Variants in EPB41L1 observed in about 807,000 individuals in gnomAD.
The protein encoded by EPB41L1 is band 4.1-like protein 1.
In EPB41L1, 29 loss-of-function variants were observed where a neutral mutation model predicts 97.8. That is an observed-to-expected ratio of 0.30 (90% CI 0.22 to 0.40). The LOEUF (loss-of-function observed/expected upper bound fraction) is 0.40, where lower values mean the gene tolerates loss of function less well. Among genes scored for constraint, EPB41L1 ranks in the 10% least tolerant of loss-of-function variants. The pLI is 1.00. For synonymous variants in EPB41L1, 383 were observed against 459.2 expected (o/e 0.83, Z 2.12); for missense variants, 812 against 1,162.3 (o/e 0.70, Z 4.38).
chr20:36,146,438 C>T (rs920989058), intron 2 of EPB41L1, among the ~76,000 whole-genome samples: 3 of 152,222 alleles, frequency 2.0e-5, no homozygotes, highest in African/African-American at 7.2e-5. Flanking sequence ...ACAGAGGGCC[C>T]AGTTGGCGAG....
intron 2 of EPB41L1, among the ~76,000 whole-genome samples, chr20:36,123,488 T>A (rs1004873837): frequency 1.3e-5 from 2 of 152,362 alleles, no homozygotes; most frequent in African/African-American, 4.8e-5. Flanking sequence ...TTGCCTAGGC[T>A]AGAGTGCAGT....
chr20:36,184,918 A>G (rs541540717), intron 6 of EPB41L1, among the ~76,000 whole-genome samples, 199 bp from the exon 7 acceptor site: 1 of 152,396 alleles, frequency 6.6e-6, no homozygotes, highest in Admixed American at 6.5e-5. Context: ...AGAAATGCAC[A>G]AAAATGCTTA....
intron 1 of EPB41L1, among the ~76,000 whole-genome samples, chr20:36,159,302 A>T (rs2060436377): frequency 6.6e-6 from 1 of 152,250 alleles, no homozygotes; most frequent in Non-Finnish European, 1.5e-5. Context: ...TAATAGCAGT[A>T]AATTGGGACT....
chr20:36,190,785 A>G lies in EPB41L1; in HGVS notation c.1288A>G (p.Ser430Gly). The G allele has an allele frequency of 6.2e-7, 1 of 1,613,956 alleles. No homozygotes were observed. Among genetic ancestry groups the G allele is most frequent in the Non-Finnish European group, 8.5e-7 (1 of 1,180,028 alleles). Residue 430 changes from serine to glycine, a missense_variant, in exon 11 of 22, where the codon AGC becomes GGC. Coordinates refer to ENST00000338074, the MANE Select transcript of EPB41L1 (RefSeq NM_012156.2). This position sits in a 1 kb window ranked among gnomAD's most constrained non-coding sequence, Gnocchi z 5.8. ...SSSKRYTMSRSLDGAEFSRPA... is the reference protein window; with the variant it reads ...SSSKRYTMSRGLDGAEFSRPA... The stretch of plus-strand genomic sequence containing the variant: ...CAGCAAACGGTACACCATGTCCCGC[A>G]GCCTTGATGGAGGTATGGCCCAAAT...
Position 36,207,811 on chromosome 20 carries a change from C to A in EPB41L1, c.1669-1677C>A, listed in dbSNP as rs775401931. On this transcript the variant is annotated intron_variant, in intron 14 of 21. Transcript: ENST00000338074. The surrounding 1 kb of genome is among the most constrained non-coding windows in gnomAD (Gnocchi z 4.9). ...TGGCCGCGTGAGCCCCCGCCCCCAC[C>A]GCTGCTCCCCGCCCATGGGGGCTGG... 7 of 1,272,856 alleles carry A rather than the reference C, an allele frequency of 5.5e-6. No homozygotes were observed. Among genetic ancestry groups the A allele is most frequent in the Non-Finnish European group, 7.2e-6 (7 of 978,912 alleles). The allele number at this position is 1,272,856 out of a possible 1,614,324, so 78.8% of individuals were successfully genotyped here.
rs550145655 is a variant in EPB41L1, at chr20:36,175,375, C to A, written c.178-176C>A. 1.4e-3 allele frequency among the ~76,000 whole-genome samples: 220 copies of A among 152,312 alleles called. 1 individual carries two copies. Among genetic ancestry groups the A allele is most frequent in the South Asian group, 7.3e-3 (35 of 4,822 alleles). On this transcript the variant is annotated intron_variant, in intron 2 of 21. Coordinates refer to ENST00000338074, the MANE Select transcript of EPB41L1 (RefSeq NM_012156.2). The stretch of plus-strand genomic sequence containing the variant: ...CACCCATTATGCATGGAAGCCCTGG[C>A]TCTCCTCCTGTACACACCAGCCATG...
intron 6 of EPB41L1, 85 bp downstream of exon 6, chr20:36,182,432 T>A: frequency 6.9e-7 from 1 of 1,458,650 alleles, no homozygotes; most frequent in Non-Finnish European, 9.6e-7. Flanking sequence ...ACAGGCAGTA[T>A]GTGACAGCAG....
chr20:36,116,383 C>G (rs1020197532), intron 2 of EPB41L1, among the ~76,000 whole-genome samples: 4 of 152,084 alleles, frequency 2.6e-5, no homozygotes, highest in Non-Finnish European at 5.9e-5. Context: ...ACAGAAGGTG[C>G]CTTCTTCTTC....
intron 17 of EPB41L1, among the ~76,000 whole-genome samples, chr20:36,214,901 A>G (rs1762151623): frequency 6.6e-6 from 1 of 151,818 alleles, no homozygotes; most frequent in Admixed American, 6.6e-5. Flanking sequence ...AGTTGGAACC[A>G]GGATTTTTGG....
chr20:36,218,913 T>C lies in EPB41L1; in HGVS notation c.2306T>C (p.Met769Thr), dbSNP rs1369176934. ...SLKSGKGAAA[M>T]IPGPQTVATE... ...AAGTCCGGGAAGGGGGCAGCTGCCATGATCCCAGGCCCACAGACGGTGGCC... is the reference window on the plus strand; with the variant it reads ...AAGTCCGGGAAGGGGGCAGCTGCCACGATCCCAGGCCCACAGACGGTGGCC... The change falls in exon 18 of 22, where the codon ATG (methionine) becomes ACG (threonine). Residue 769 changes from methionine (M) to threonine (T), a missense_variant. Coordinates refer to ENST00000338074, the MANE Select transcript of EPB41L1 (RefSeq NM_012156.2). The C allele has an allele frequency of 1.9e-6, 3 of 1,614,212 alleles. No homozygotes were observed. Among genetic ancestry groups the C allele is most frequent in the Non-Finnish European group, 2.5e-6 (3 of 1,180,042 alleles).
In EPB41L1 at chr20:36,188,892, A is replaced by G. The variant is rs1027608117; in HGVS notation, c.1026+393A>G. On this transcript the variant is annotated intron_variant, in intron 9 of 21. Coordinates refer to ENST00000338074, the MANE Select transcript of EPB41L1 (RefSeq NM_012156.2). The stretch of plus-strand genomic sequence containing the variant: ...AGACTCTGTCTCAAAAAAAAAAAAA[A>G]GGGAGAAAAAAAAAAGAAGAAATAT... 7.5e-4 allele frequency among the ~76,000 whole-genome samples: 114 copies of G among 151,218 alleles called. 1 individual carries two copies. The highest frequency in any genetic ancestry group is 1.4e-3 in the Non-Finnish European group (93 of 67,804).
chr20:36,213,000 G>A lies in EPB41L1; in HGVS notation c.2184+624G>A, dbSNP rs1196445112. Among the ~76,000 whole-genome samples the A allele has an allele frequency of 2.0e-5, 3 of 152,222 alleles. No homozygotes were observed. The highest frequency in any genetic ancestry group is 7.2e-5 in the African/African-American group (3 of 41,442). On this transcript the variant is annotated intron_variant, in intron 16 of 21. Coordinates refer to ENST00000338074, the MANE Select transcript of EPB41L1 (RefSeq NM_012156.2). This position sits in a 1 kb window ranked among gnomAD's most constrained non-coding sequence, Gnocchi z 4.8. The stretch of plus-strand genomic sequence containing the variant: ...ACTCCTTCCATGCTTTTTAAACTTA[G>A]GAAGTTAAGATTGAGGATCTGATAG...
At chr20:36,154,238 G>T (rs2060175254), upstream of EPB41L1, among the ~76,000 whole-genome samples, 1 of 152,146 alleles carries the variant, frequency 6.6e-6, no homozygotes, top group Non-Finnish European at 1.5e-5. This position sits in a 1 kb window ranked among gnomAD's most constrained non-coding sequence, Gnocchi z 5.5. Flanking sequence ...AGGGGATCCG[G>T]CTCCGGTGGG....
intron 19 of EPB41L1, among the ~76,000 whole-genome samples, chr20:36,220,966 G>T (rs1482519570): frequency 1.3e-5 from 2 of 152,166 alleles, no homozygotes; most frequent in Non-Finnish European, 2.9e-5. Context: ...GCCTCTACAG[G>T]ATTCAGCACT....
At chr20:36,099,687 A>G (rs957515256) in intron 1 of EPB41L1, among the ~76,000 whole-genome samples, 13 of 152,202 alleles carry the variant, frequency 8.5e-5, no homozygotes, top group African/African-American at 3.1e-4. Flanking sequence ...CGTTGCCCTT[A>G]TTAGCCTGAG....
intron 5 of EPB41L1, among the ~76,000 whole-genome samples, chr20:36,181,900 G>C (rs1349341807): frequency 6.6e-6 from 1 of 152,180 alleles, no homozygotes; most frequent in African/African-American, 2.4e-5. Flanking sequence ...GGGTGACCTT[G>C]GGCTAATTTA....
chr20:36,135,300 G>A (rs2059377284), intron 2 of EPB41L1, among the ~76,000 whole-genome samples: 2 of 152,186 alleles, frequency 1.3e-5, no homozygotes, highest in African/African-American at 4.8e-5. Flanking sequence ...AAAAGGTTAA[G>A]TACTTTCCTT....
chr20:36,135,834 G>A (rs2147789626), intron 2 of EPB41L1, among the ~76,000 whole-genome samples: 1 of 152,286 alleles, frequency 6.6e-6, no homozygotes, highest in Admixed American at 6.5e-5. Flanking sequence ...GGTGAGGTAG[G>A]TTCTCCCACA....
Position 36,207,031 on chromosome 20 carries a change from G to A in EPB41L1, c.1669-2457G>A. On this transcript the variant is annotated intron_variant, in intron 14 of 21. Coordinates refer to ENST00000338074, the MANE Select transcript of EPB41L1 (RefSeq NM_012156.2). This position sits in a 1 kb window ranked among gnomAD's most constrained non-coding sequence, Gnocchi z 4.9. ...GGTTCCCACCCAGAAAGGAGGGGCT[G>A]AGCTGAAGGACCGCGAGGCTTCAGC... The A allele has an allele frequency of 1.6e-6, 2 of 1,289,884 alleles. 1 individual carries two copies. Among genetic ancestry groups the A allele is most frequent in the South Asian group, 2.5e-5 (2 of 81,028 alleles). 79.9% of individuals were successfully genotyped at this position (1,289,884 alleles called of 1,614,324 possible).
Sources: allele counts gnomAD v4.1 joint callset (sites outside exome capture counted in the v4.1 genomes callset), GRCh38; gene constraint gnomAD v4.1.1; non-coding constraint Gnocchi (gnomAD v3.1); transcripts MANE v1.5; gene names NCBI Gene and HGNC (gene_info 2026-07-23, HGNC 2026-07-21).